Variants in PPARG observed in about 807,000 individuals in gnomAD.
The protein encoded by PPARG is peroxisome proliferator-activated receptor gamma.
Under a neutral mutation model 39.2 loss-of-function variants are expected in PPARG, and 17 were observed. The observed-to-expected ratio is 0.43, with a 90% confidence interval of 0.30 to 0.65. The LOEUF (loss-of-function observed/expected upper bound fraction) is 0.65. PPARG is among the 30% of genes least tolerant of loss of function. The pLI is 0.13. For missense variants in PPARG, 406 were observed against 585.9 expected (o/e 0.69, Z 3.17); for synonymous variants, 223 against 215.7 (o/e 1.03, Z -0.30).
At chr3:12,303,169 A>T (rs1278498116) in intron 1 of PPARG, among the ~76,000 whole-genome samples, 1 of 152,010 alleles carries the variant, frequency 6.6e-6, no homozygotes, top group South Asian at 2.1e-4. Context: ...AGGATGAATG[A>T]GTGGAGTTGA....
intron 4 of PPARG, among the ~76,000 whole-genome samples, chr3:12,389,602 G>A (rs752030215): frequency 1.3e-5 from 2 of 152,180 alleles, no homozygotes; most frequent in Non-Finnish European, 2.9e-5. Flanking sequence ...TCTCAAGAAT[G>A]AGAGTGAGCC....
intron 6 of PPARG, chr3:12,406,847 A>C (rs1038286070): frequency 7.9e-5 from 12 of 152,208 alleles, no homozygotes; most frequent in African/African-American, 2.9e-4. Context: ...ATTCTTGATT[A>C]TTCCGGGGCA....
At chr3:12,404,993 A>G (rs1151998) in intron 5 of PPARG, among the ~76,000 whole-genome samples, 61,110 of 152,000 alleles carry the variant, frequency 0.4, 13,716 homozygotes, top group South Asian at 0.67. Flanking sequence ...CTATGTATGC[A>G]TGGGGAACAG....
At chr3:12,386,603 GA>G (rs2049882237) in intron 4 of PPARG, among the ~76,000 whole-genome samples, 1 of 151,700 alleles carries the variant, frequency 6.6e-6, no homozygotes, top group Non-Finnish European at 1.5e-5. Flanking sequence ...CTAGTTCAAA[GA>G]AGAACTTGAA....
chr3:12,291,091 A>G (rs924797115), intron 1 of PPARG, among the ~76,000 whole-genome samples: 6 of 152,204 alleles, frequency 3.9e-5, no homozygotes, highest in African/African-American at 1.4e-4. Context: ...TTGGTCTCAT[A>G]GGATTCCACT....
At chr3:12,368,471 C>G (rs1054548863) in intron 2 of PPARG, among the ~76,000 whole-genome samples, 1 of 152,094 alleles carries the variant, frequency 6.6e-6, no homozygotes, top group Non-Finnish European at 1.5e-5. Context: ...CGTGAGCCAC[C>G]ACGCCCAGCC....
chr3:12,302,793 G>T (rs1479678847), intron 1 of PPARG, among the ~76,000 whole-genome samples: 1 of 152,174 alleles, frequency 6.6e-6, no homozygotes, highest in Non-Finnish European at 1.5e-5. Flanking sequence ...CGTAAGAAGA[G>T]GGGTGAGATG....
intron 2 of PPARG, among the ~76,000 whole-genome samples, chr3:12,366,492 A>G (rs2049022186): frequency 6.6e-6 from 1 of 152,146 alleles, no homozygotes; most frequent in African/African-American, 2.4e-5. Flanking sequence ...GAAAAGCAGT[A>G]GTGAGAGAAG....
At chr3:12,399,755 C>T (rs749714561) in intron 5 of PPARG, among the ~76,000 whole-genome samples, 1 of 147,828 alleles carries the variant, frequency 6.8e-6, no homozygotes, top group Non-Finnish European at 1.5e-5. Context: ...GCAATTCCAG[C>T]ACTTTGGGAG....
At chr3:12,375,068 C>G (rs1430742661) in intron 2 of PPARG, among the ~76,000 whole-genome samples, 1 of 152,098 alleles carries the variant, frequency 6.6e-6, no homozygotes, top group African/African-American at 2.4e-5. Flanking sequence ...TACACGACCC[C>G]TAGGGATATG....
chr3:12,334,137 T>G (rs2047942479), intron 2 of PPARG, among the ~76,000 whole-genome samples: 1 of 152,180 alleles, frequency 6.6e-6, no homozygotes, highest in African/African-American at 2.4e-5. Context: ...GTATAATATT[T>G]CCCACAGTGT....
intron 5 of PPARG, among the ~76,000 whole-genome samples, chr3:12,396,538 C>G (rs934975134): frequency 6.6e-6 from 1 of 152,112 alleles, no homozygotes; most frequent in Non-Finnish European, 1.5e-5. Flanking sequence ...CAGAGGACCA[C>G]TTGAGCTGAG....
At chr3:12,316,833 A>G (rs931506117) in intron 2 of PPARG, among the ~76,000 whole-genome samples, 21 of 152,156 alleles carry the variant, frequency 1.4e-4, no homozygotes, top group Admixed American at 6.5e-5. Flanking sequence ...GTACACAGGA[A>G]ACAGTAGAGC....
intron 2 of PPARG, among the ~76,000 whole-genome samples, chr3:12,344,645 C>A (rs754514412): frequency 6.6e-6 from 1 of 152,122 alleles, no homozygotes; most frequent in Non-Finnish European, 1.5e-5. Flanking sequence ...ACTCTATATA[C>A]CGTCTCTTCC....
chr3:12,414,711 A>T (rs1373091703), intron 6 of PPARG, among the ~76,000 whole-genome samples: 1 of 152,062 alleles, frequency 6.6e-6, no homozygotes, highest in East Asian at 1.9e-4. Context: ...AGAAAAAAAG[A>T]AAAAGGAAAG....
At chr3:12,288,817 G>C (rs1052854589), upstream of PPARG, 3 of 152,318 alleles carry the variant, frequency 2.0e-5, no homozygotes, top group Non-Finnish European at 4.4e-5. Context: ...ACCCCGGGGG[G>C]CTGGAAAGGC....
At chr3:12,379,368 T>C (rs1483854878) in intron 2 of PPARG, among the ~76,000 whole-genome samples, 1 of 152,182 alleles carries the variant, frequency 6.6e-6, no homozygotes, top group Non-Finnish European at 1.5e-5. Context: ...AAATTTTAAA[T>C]AAATAACAGC....
chr3:12,358,785 T>C (rs2048745241), intron 2 of PPARG, among the ~76,000 whole-genome samples: 1 of 152,214 alleles, frequency 6.6e-6, no homozygotes, highest in African/African-American at 2.4e-5. Flanking sequence ...ACCCAAGATA[T>C]GTAAACAGTT....
chr3:12,306,976 TAGTCCCAGCCATTAGGG>T (rs2047085530), intron 1 of PPARG, among the ~76,000 whole-genome samples: 1 of 151,586 alleles, frequency 6.6e-6, no homozygotes, highest in South Asian at 2.1e-4. Flanking sequence ...TGGGCGCCTG[TAGTCCCAGCCATTAGGG>T]AGGCTGAGGC....
Sources: allele counts gnomAD v4.1 joint callset (sites outside exome capture counted in the v4.1 genomes callset), GRCh38; gene constraint gnomAD v4.1.1; transcripts MANE v1.5; gene names NCBI Gene and HGNC (gene_info 2026-07-23, HGNC 2026-07-21).